SRPRA: variants seen among roughly 807,000 people sequenced by gnomAD.
SRPRA encodes SRP receptor subunit alpha.
In SRPRA, 30 loss-of-function variants were observed where a neutral mutation model predicts 61.1. The observed-to-expected ratio is 0.49, with a 90% confidence interval of 0.37 to 0.67. The LOEUF is 0.67. Among genes scored for constraint, SRPRA ranks in the 30% least tolerant of loss-of-function variants. SRPRA has a pLI of 0.00. For synonymous variants in SRPRA, 324 were observed against 299.7 expected (o/e 1.08, Z -0.84); for missense variants, 759 against 828.4 (o/e 0.92, Z 1.03).
In SRPRA at chr11:126,264,030, A is replaced by T. The variant is rs1261616671; in HGVS notation, c.1803T>A (p.Ile601=). Residue 601 remains isoleucine, a synonymous_variant, in exon 14 of 14, where the codon ATT becomes ATA. Transcript: ENST00000332118. The surrounding 1 kb of genome is among the most constrained non-coding windows in gnomAD (Gnocchi z 5.0). ...GTTTGCTTGTGATGTACGTCATAGAAATAGCAGCTCCCACCTAAGTGGAGA... is the reference window on the plus strand; with the variant it reads ...GTTTGCTTGTGATGTACGTCATAGATATAGCAGCTCCCACCTAAGTGGAGA... ...DTIDDKVGAA[I]SMTYITSKPI... The T allele has an allele frequency of 6.2e-7, 1 of 1,614,136 alleles. No individual in the cohort carries two copies. The highest frequency in any genetic ancestry group is 1.7e-5 in the Admixed American group (1 of 60,012).
chr11:126,244,868 A>G, the SRPRA span, among the ~76,000 whole-genome samples: 1 of 152,312 alleles, frequency 6.6e-6, no homozygotes, highest in African/African-American at 2.4e-5. This position sits in a 1 kb window ranked among gnomAD's most constrained non-coding sequence, Gnocchi z 4.5. Context: ...AAGAAATGAA[A>G]GAAGATCTAA....
At chr11:126,259,869 C>T (rs1198245587), downstream of SRPRA, among the ~76,000 whole-genome samples, 3 of 150,512 alleles carry the variant, frequency 2.0e-5, no homozygotes, top group Non-Finnish European at 3.0e-5. Context: ...TAAAGGCGCC[C>T]GCCACCACAC....
Position 126,265,931 on chromosome 11 carries a change from G to C in SRPRA, c.1051+32C>G, listed in dbSNP as rs200916549. The C allele has an allele frequency of 7.3e-5, 118 of 1,611,452 alleles. No individual in the cohort carries two copies. In the African/African-American group the frequency reaches 1.3e-3, roughly 18 times the overall value. The stretch of plus-strand genomic sequence containing the variant: ...CTGCTCTCAACTACCCCTATCCCGC[G>C]AGTATGAGTCAGCCCGGTCCTCAGA... On this transcript the variant is annotated intron_variant, in intron 8 of 13. Coordinates refer to ENST00000332118, the MANE Select transcript of SRPRA (RefSeq NM_003139.4). The surrounding 1 kb of genome is among the most constrained non-coding windows in gnomAD (Gnocchi z 6.3).
chr11:126,262,148 TCAC>T, downstream of SRPRA: 2 of 1,613,894 alleles, frequency 1.2e-6, no homozygotes, highest in Non-Finnish European at 1.7e-6. Context: ...GCTAGAGAAA[TCAC>T]CACCGTTTAG....
rs1458466041 is a variant in SRPRA at position 126,265,185 on chromosome 11, C to T, written c.1312-13G>A. ...ACCAGAAGGAAATCTGTGAAAAAGA[C>T]GTAAGAAAAGTCACCTAAAGCCAGG... is the stretch of plus-strand genomic sequence containing the variant. On this transcript the variant is annotated splice_polypyrimidine_tract_variant and intron_variant, in intron 10 of 13. Transcript: ENST00000332118. This position sits in a 1 kb window ranked among gnomAD's most constrained non-coding sequence, Gnocchi z 6.3. The T allele has an allele frequency of 3.7e-6, 6 of 1,613,982 alleles. No individual in the cohort carries two copies. The highest frequency in any genetic ancestry group is 1.3e-5 in the African/African-American group (1 of 75,008).
downstream of SRPRA, among the ~76,000 whole-genome samples, chr11:126,260,000 G>T (rs931310652): frequency 6.6e-6 from 1 of 152,078 alleles, no homozygotes; most frequent in Admixed American, 6.6e-5. Context: ...GATTACAGGC[G>T]TGAGCCACTG....
chr11:126,260,172 A>G (rs1028874003), downstream of SRPRA, among the ~76,000 whole-genome samples: 2 of 152,050 alleles, frequency 1.3e-5, no homozygotes, highest in African/African-American at 4.8e-5. Context: ...AGCTGAGACT[A>G]AAGGCACATA....
downstream of SRPRA, chr11:126,261,512 TCA>T (rs773386137): frequency 1.3e-6 from 2 of 1,584,104 alleles, no homozygotes; most frequent in Non-Finnish European, 1.7e-6. Context: ...CTACTATTTA[TCA>T]CTCTGTAGCA....
rs184362962 is a variant in SRPRA at position 126,265,316 on chromosome 11, G to A, written c.1263C>T (p.Val421=). The A allele has an allele frequency of 5.0e-6, 8 of 1,613,896 alleles. No homozygotes were observed. In the Admixed American group the frequency reaches 1.0e-4, roughly 20 times the overall value. The change falls in exon 10 of 14, where the codon GTC becomes GTT. Residue 421 remains valine (V), a synonymous_variant. Transcript: ENST00000332118. The surrounding 1 kb of genome is among the most constrained non-coding windows in gnomAD (Gnocchi z 6.3). The stretch of plus-strand genomic sequence containing the variant: ...CCACTCCATTAACGCCGCAGAAGGT[G>A]ACGACATAAGGGCGCTGGCGACGCT... ...DAQRRQRPYV[V]TFCGVNGVGK... is the part of the protein sequence containing the mutation.
the SRPRA span, among the ~76,000 whole-genome samples, chr11:126,249,749 A>AAG: frequency 1.1e-4 from 15 of 141,282 alleles, no homozygotes; most frequent in South Asian, 2.3e-4. Flanking sequence ...AAAAAAAAAA[A>AAG]AAAAAGAAAA....
chr11:126,267,661 C>T lies in SRPRA; in HGVS notation c.253G>A (p.Asp85Asn), dbSNP rs765468956. 1 of 1,614,152 alleles carries T rather than the reference C, an allele frequency of 6.2e-7. No individual in the cohort carries two copies. Among genetic ancestry groups the T allele is most frequent in the Non-Finnish European group, 8.5e-7 (1 of 1,180,050 alleles). Residue 85 changes from aspartate to asparagine, a missense_variant, in exon 3 of 14, where the codon GAC becomes AAC. By Grantham distance (23) the Asp-to-Asn change is conservative. This residue lies in a region of SRPRA where 475 missense variants were observed against 462.5 expected (regional missense o/e 1.03). Coordinates refer to ENST00000332118, the MANE Select transcript of SRPRA (RefSeq NM_003139.4). The surrounding 1 kb of genome is among the most constrained non-coding windows in gnomAD (Gnocchi z 4.2). ...TTGTCCCGAAACAGCCGATGCACGT[C>T]ATCTATCAATTTGTCTACATATGTC... is the stretch of plus-strand genomic sequence containing the variant. The part of the protein sequence containing the change: ...TLTYVDKLID[D>N]VHRLFRDKYR...
downstream of SRPRA, chr11:126,262,002 C>T: frequency 1.1e-6 from 1 of 910,800 alleles, no homozygotes; most frequent in Admixed American, 2.6e-5. Flanking sequence ...TTACAAGATT[C>T]CTAGAATCTC....
chr11:126,265,477 C>CT lies in SRPRA; in HGVS notation c.1139-38dup, dbSNP rs771296689. ...GGTGGAGGAGGTTGCAGCTGTGAAA[C>CT]TCAAGGAATGCTCTCAAAAATGCCT... On this transcript the variant is annotated intron_variant, in intron 9 of 13. Coordinates refer to ENST00000332118, the MANE Select transcript of SRPRA (RefSeq NM_003139.4). The surrounding 1 kb of genome is among the most constrained non-coding windows in gnomAD (Gnocchi z 6.3). 3 of 1,592,870 alleles carry CT rather than the reference C, an allele frequency of 1.9e-6. No homozygotes were observed. The highest frequency in any genetic ancestry group is 3.4e-5 in the Admixed American group (2 of 58,050).
chr11:126,264,888 T>G lies in SRPRA; in HGVS notation c.1525+71A>C. Reference sequence around the variant, plus strand: ...CTGTAGTAGCACAAGCCTGATCTTCTGCAAATTCCAAGAGAACCCAAGGAG... The same window carrying G: ...CTGTAGTAGCACAAGCCTGATCTTCGGCAAATTCCAAGAGAACCCAAGGAG... On this transcript the variant is annotated intron_variant, in intron 11 of 13. Coordinates refer to ENST00000332118, the MANE Select transcript of SRPRA (RefSeq NM_003139.4). This position sits in a 1 kb window ranked among gnomAD's most constrained non-coding sequence, Gnocchi z 5.0. The G allele has an allele frequency of 2.1e-6, 3 of 1,436,288 alleles. No individual in the cohort carries two copies. Among genetic ancestry groups the G allele is most frequent in the Middle Eastern group, 1.8e-4 (1 of 5,628 alleles). 89.0% of individuals were successfully genotyped at this position (1,436,288 alleles called of 1,614,324 possible). A position where few individuals can be genotyped will look rare whatever the true frequency, so the allele number is the denominator to read the frequency against.
chr11:126,241,674 T>G, the SRPRA span, among the ~76,000 whole-genome samples: 55 of 152,116 alleles, frequency 3.6e-4, no homozygotes, highest in Middle Eastern at 3.4e-3. Flanking sequence ...CTCAGCCTCC[T>G]GAGTAGGTGG....
In SRPRA at chr11:126,265,839, C is replaced by G; in HGVS notation, c.1052-16G>C. ...ACGTTCTTAGCTGAGGAGAGGGGGA[C>G]AGGTATGTCAGTTCCATGTCAGCAA... On this transcript the variant is annotated splice_polypyrimidine_tract_variant and intron_variant, in intron 8 of 13. Coordinates refer to ENST00000332118, the MANE Select transcript of SRPRA (RefSeq NM_003139.4). This position sits in a 1 kb window ranked among gnomAD's most constrained non-coding sequence, Gnocchi z 6.3. The G allele has an allele frequency of 6.2e-7, 1 of 1,614,146 alleles. No individual in the cohort carries two copies. Among genetic ancestry groups the G allele is most frequent in the Non-Finnish European group, 8.5e-7 (1 of 1,179,972 alleles).
At chr11:126,248,358 C>CCTTTT in the SRPRA span, among the ~76,000 whole-genome samples, 1 of 36,966 alleles carries the variant, frequency 2.7e-5, no homozygotes. Flanking sequence ...TAGTAGTTGA[C>CCTTTT]TTTTTTTTTT....
chr11:126,266,370 C>T, intron 6 of SRPRA, 92 bp from the exon 7 acceptor site: 1 of 1,590,450 alleles, frequency 6.3e-7, no homozygotes, highest in South Asian at 1.1e-5. Context: ...TTTTGGGAAG[C>T]TCCAAGTATA....
chr11:126,236,674 T>C, the SRPRA span, among the ~76,000 whole-genome samples: 1 of 152,170 alleles, frequency 6.6e-6, no homozygotes, highest in Non-Finnish European at 1.5e-5. Flanking sequence ...TACAATGTTT[T>C]TTCTATTCCA....
Sources: gnomAD v4.1 joint callset for allele counts (sites outside exome capture counted in the v4.1 genomes callset) on GRCh38, gnomAD v4.1.1 for gene constraint, gnomAD v4.1.1 regional missense constraint, Gnocchi (gnomAD v3.1) non-coding constraint, MANE v1.5 for transcripts, NCBI Gene and HGNC (gene_info 2026-07-23, HGNC 2026-07-21) for gene names.